The following MYRFL variants were observed in gnomAD, a reference collection of about 807,000 sequenced individuals.
The protein encoded by MYRFL is myelin regulatory factor like.
MYRFL carries 88 observed loss-of-function variants against 109.4 expected under a neutral mutation model. The observed-to-expected ratio is 0.80, with a 90% CI of 0.68 to 0.96. MYRFL has a LOEUF of 0.96. Ranked by LOEUF, MYRFL falls within the 40% of genes least tolerant of loss-of-function variation. The pLI is 0.00. For missense variants in MYRFL, 957 were observed against 954.9 expected (o/e 1.00, Z -0.03); for synonymous variants, 324 against 320.9 (o/e 1.01, Z -0.10).
chr12:69,936,075 AATGTT>A (rs1955445974), intron 16 of MYRFL, 33 bp from the exon 17 acceptor site: 1 of 1,454,292 alleles, frequency 6.9e-7, no homozygotes, highest in Non-Finnish European at 9.0e-7. Flanking sequence ...TCTGCCACAT[AATGTT>A]TTTTTTTTTT....
At chr12:69,885,134 C>G (rs891008397) in intron 5 of MYRFL, among the ~76,000 whole-genome samples, 5 of 152,192 alleles carry the variant, frequency 3.3e-5, no homozygotes, top group Admixed American at 6.5e-5. Flanking sequence ...ATATTTTAGA[C>G]CACTTAGCTT....
At position 69,952,868 on chromosome 12, in the gene MYRFL, T is replaced by C. The variant is rs1218471353; in HGVS notation, c.2357T>C (p.Ile786Thr). The stretch of plus-strand genomic sequence containing the variant: ...CAAATAATAGATCATCAGTATTGCA[T>C]TCAAAGCCTCCAGTGCGGGTAGGTA... ...IQQIIDHQYC[I>T]QSLQCGSGNY... Residue 786 changes from isoleucine (I) to threonine (T), a missense_variant, in exon 21 of 25, where the codon ATT becomes ACT. Ile to Thr is a moderately conservative substitution (Grantham distance 89). Coordinates refer to ENST00000552032, the MANE Select transcript of MYRFL (RefSeq NM_182530.3). 4 of 1,535,570 alleles carry C rather than the reference T, an allele frequency of 2.6e-6. No homozygotes were observed. Among genetic ancestry groups the C allele is most frequent in the Non-Finnish European group, 3.5e-6 (4 of 1,146,502 alleles).
In MYRFL at chr12:69,936,342, G is replaced by C; in HGVS notation, c.2044+7G>C. On this transcript the variant is annotated splice_region_variant and intron_variant, in intron 18 of 24. Coordinates refer to ENST00000552032, the MANE Select transcript of MYRFL (RefSeq NM_182530.3). Reference sequence around the variant, plus strand: ...CCCACAGCCTCCTCCTCAGGTAAAGGCTTCACATTCCTCACCCTCAAACCC... The same window carrying C: ...CCCACAGCCTCCTCCTCAGGTAAAGCCTTCACATTCCTCACCCTCAAACCC... 6.5e-7 allele frequency: 1 copy of C among 1,535,976 alleles called. No homozygotes were observed. The highest frequency in any genetic ancestry group is 1.4e-5 in the African/African-American group (1 of 73,018).
intron 13 of MYRFL, among the ~76,000 whole-genome samples, chr12:69,917,644 T>C (rs1954783034): frequency 6.6e-6 from 1 of 152,142 alleles, no homozygotes; most frequent in South Asian, 2.1e-4. Flanking sequence ...CTCTTTCCGT[T>C]ATCTTTCTCC....
At chr12:69,930,060 G>A (rs998885622) in intron 15 of MYRFL, among the ~76,000 whole-genome samples, 15 of 152,146 alleles carry the variant, frequency 9.9e-5, no homozygotes, top group South Asian at 2.1e-4. Context: ...GTGCTGACCT[G>A]CTAACAGATC....
intron 19 of MYRFL, among the ~76,000 whole-genome samples, chr12:69,937,752 T>C (rs11177976): frequency 0.035 from 5,382 of 152,342 alleles, 328 homozygotes; most frequent in African/African-American, 0.12. Flanking sequence ...ATGACCTACA[T>C]AGAATATGGT....
At chr12:69,917,902 T>G (rs1056612084) in intron 13 of MYRFL, among the ~76,000 whole-genome samples, 14 of 111,724 alleles carry the variant, frequency 1.3e-4, no homozygotes, top group African/African-American at 4.7e-4. Flanking sequence ...AACATTTAGA[T>G]GAAAAAAAAA....
intron 2 of MYRFL, among the ~76,000 whole-genome samples, chr12:69,858,091 A>T (rs1286909321): frequency 6.6e-6 from 1 of 151,542 alleles, no homozygotes; most frequent in Non-Finnish European, 1.5e-5. Flanking sequence ...GAATTTTGTC[A>T]ATTTTTTTCT....
At chr12:69,945,506 T>G (rs1401679768) in intron 19 of MYRFL, among the ~76,000 whole-genome samples, 1 of 152,204 alleles carries the variant, frequency 6.6e-6, no homozygotes, top group Non-Finnish European at 1.5e-5. Context: ...AGCCTAGGTG[T>G]GTAGTAGGCT....
chr12:69,902,564 A>T (rs552962759), intron 10 of MYRFL, among the ~76,000 whole-genome samples: 216 of 152,314 alleles, frequency 1.4e-3, no homozygotes, highest in Non-Finnish European at 2.7e-3. Flanking sequence ...CCAGAAAGGT[A>T]AAAAGTCAAG....
intron 1 of MYRFL, among the ~76,000 whole-genome samples, chr12:69,829,986 C>A (rs529521966): frequency 5.7e-4 from 86 of 152,186 alleles, no homozygotes; most frequent in African/African-American, 2.0e-3. Flanking sequence ...GGGGCCACAA[C>A]TTTCCCACTC....
intron 19 of MYRFL, among the ~76,000 whole-genome samples, chr12:69,936,968 A>T (rs1181127425): frequency 6.6e-6 from 1 of 152,200 alleles, no homozygotes; most frequent in Non-Finnish European, 1.5e-5. Flanking sequence ...GAGTTTAAAA[A>T]ATGATGTGGT....
intron 1 of MYRFL, among the ~76,000 whole-genome samples, chr12:69,851,995 C>A (rs1469236730): frequency 6.6e-6 from 1 of 152,196 alleles, no homozygotes; most frequent in Admixed American, 6.5e-5. Context: ...CGCTCTAGTC[C>A]TCTGCCTTAG....
At chr12:69,847,832 CT>C (rs1883646814) in intron 1 of MYRFL, among the ~76,000 whole-genome samples, 1 of 152,158 alleles carries the variant, frequency 6.6e-6, no homozygotes, top group African/African-American at 2.4e-5. Context: ...GCAGCATTTG[CT>C]TTCAACCTTG....
At chr12:69,834,670 A>G (rs1882831430) in intron 1 of MYRFL, among the ~76,000 whole-genome samples, 1 of 152,230 alleles carries the variant, frequency 6.6e-6, no homozygotes. Flanking sequence ...AAGTACAGCT[A>G]CATACATAGA....
intron 5 of MYRFL, among the ~76,000 whole-genome samples, chr12:69,884,702 A>T (rs1753198100): frequency 6.6e-6 from 1 of 152,236 alleles, no homozygotes; most frequent in African/African-American, 2.4e-5. Flanking sequence ...AAGGCTTCTT[A>T]GGAAATACTG....
intron 1 of MYRFL, among the ~76,000 whole-genome samples, chr12:69,852,736 C>T (rs1057207392): frequency 6.6e-6 from 1 of 151,866 alleles, no homozygotes; most frequent in Admixed American, 6.6e-5. Context: ...ACCCTGCCGC[C>T]TTCCGCAGTG....
intron 7 of MYRFL, among the ~76,000 whole-genome samples, chr12:69,892,867 G>C (rs1276434331): frequency 1.3e-5 from 2 of 152,024 alleles, no homozygotes; most frequent in Non-Finnish European, 2.9e-5. Context: ...CTTTTCTTCT[G>C]TTATTAAAAT....
intron 11 of MYRFL, among the ~76,000 whole-genome samples, chr12:69,905,819 T>C (rs1230373113): frequency 6.6e-6 from 1 of 152,258 alleles, no homozygotes; most frequent in Non-Finnish European, 1.5e-5. Flanking sequence ...ATCTTGTCTG[T>C]CCCAGTCCAC....
Sources: allele counts gnomAD v4.1 joint callset (sites outside exome capture counted in the v4.1 genomes callset), GRCh38; gene constraint gnomAD v4.1.1; transcripts MANE v1.5; gene names NCBI Gene and HGNC (gene_info 2026-07-23, HGNC 2026-07-21).